Variants in NRG1 observed in about 807,000 individuals in gnomAD.
The protein encoded by NRG1 is neuregulin 1.
NRG1 carries 18 observed loss-of-function variants against 63.8 expected under a neutral mutation model. The ratio of observed to expected loss-of-function variants is 0.28; its 90% CI spans 0.19 to 0.42. The LOEUF is 0.42. Ranked by LOEUF, NRG1 falls within the 10% of genes least tolerant of loss-of-function variation. The pLI is 1.00. For missense variants in NRG1, 762 were observed against 814.7 expected (o/e 0.94, Z 0.79); for synonymous variants, 302 against 301.3 (o/e 1.00, Z -0.02).
intron 1 of NRG1, among the ~76,000 whole-genome samples, chr8:32,555,086 T>C (rs1218894121): frequency 1.3e-5 from 2 of 152,196 alleles, no homozygotes; most frequent in Non-Finnish European, 2.9e-5. Flanking sequence ...TTTTAAAACA[T>C]TATTCTGATG....
intron 5 of NRG1, among the ~76,000 whole-genome samples, chr8:32,701,026 A>T (rs1280132640): frequency 6.6e-6 from 1 of 152,096 alleles, no homozygotes; most frequent in East Asian, 1.9e-4. Context: ...TGCTTACTTA[A>T]ATTAACTTAT....
intron 1 of NRG1, among the ~76,000 whole-genome samples, chr8:32,188,022 A>G (rs1463565677): frequency 2.0e-5 from 3 of 152,130 alleles, no homozygotes; most frequent in Non-Finnish European, 4.4e-5. Context: ...GGAGCATCTT[A>G]GCTGCAAGAT....
At chr8:32,309,539 T>C (rs755343095) in intron 1 of NRG1, among the ~76,000 whole-genome samples, 1 of 152,256 alleles carries the variant, frequency 6.6e-6, no homozygotes, top group Non-Finnish European at 1.5e-5. Context: ...GTCGATTTGG[T>C]TTCTAGGTCC....
intron 1 of NRG1, among the ~76,000 whole-genome samples, chr8:31,954,540 G>T (rs375052527): frequency 3.9e-5 from 6 of 152,188 alleles, no homozygotes; most frequent in African/African-American, 1.4e-4. Context: ...CCTGCTAATT[G>T]TCTGTATAGC....
At chr8:32,398,701 C>T (rs1226065229) in intron 1 of NRG1, among the ~76,000 whole-genome samples, 1 of 152,180 alleles carries the variant, frequency 6.6e-6, no homozygotes, top group Non-Finnish European at 1.5e-5. Context: ...AGGTGTGAGA[C>T]ACTGCACCCA....
chr8:31,831,804 T>C (rs914515177), intron 1 of NRG1, among the ~76,000 whole-genome samples: 1 of 152,196 alleles, frequency 6.6e-6, no homozygotes, highest in Non-Finnish European at 1.5e-5. Context: ...ATTTTGAGAT[T>C]TGTATACAAA....
At chr8:32,078,002 AT>A (rs768934970) in intron 1 of NRG1, among the ~76,000 whole-genome samples, 158 of 152,294 alleles carry the variant, frequency 1.0e-3, no homozygotes, top group Non-Finnish European at 1.6e-3. Flanking sequence ...ATAAATTGTA[AT>A]TGGCCATATA....
intron 1 of NRG1, among the ~76,000 whole-genome samples, chr8:31,998,699 T>C (rs1812433248): frequency 6.6e-6 from 1 of 152,108 alleles, no homozygotes; most frequent in African/African-American, 2.4e-5. Flanking sequence ...CACTGACATT[T>C]GTTGAAGAAA....
chr8:31,929,515 A>C (rs933188963), intron 1 of NRG1, among the ~76,000 whole-genome samples: 2 of 151,984 alleles, frequency 1.3e-5, no homozygotes, highest in Non-Finnish European at 2.9e-5. Context: ...TACATAATAC[A>C]CACACATGTC....
At position 32,377,906 on chromosome 8, in the gene NRG1, C is replaced by T. The variant is rs372199808; in HGVS notation, c.38-217922C>T. On this transcript the variant is annotated intron_variant, in intron 1 of 10. Coordinates refer to the NRG1 transcript ENST00000519301. ...TCATGATTACACTTCCAGTACCTGG[C>T]GTAATACCTAGAACAAACTCCCAGT... is the stretch of plus-strand genomic sequence containing the variant. 1.1e-4 allele frequency among the ~76,000 whole-genome samples: 17 copies of T among 152,084 alleles called. No individual in the cohort carries two copies. The South Asian group carries it at 2.3e-3, about 20-fold the overall frequency.
At chr8:32,617,018 C>A in intron 5 of NRG1, 133 bp downstream of exon 5, 1 of 678,058 alleles carries the variant, frequency 1.5e-6, no homozygotes, top group Non-Finnish European at 2.6e-6. Flanking sequence ...GTGGTATTTG[C>A]TGTTTGGAGT....
intron 1 of NRG1, among the ~76,000 whole-genome samples, chr8:31,845,106 C>CAAATAAATAAATAAATAAATAAAT (rs3052830): frequency 1.4e-5 from 2 of 146,222 alleles, no homozygotes; most frequent in African/African-American, 2.6e-5. Context: ...GACTCCGTCT[C>CAAATAAATAAATAAATAAATAAAT]AAATAAATAA....
chr8:32,391,662 A>G (rs1811782462), intron 1 of NRG1, among the ~76,000 whole-genome samples: 1 of 151,738 alleles, frequency 6.6e-6, no homozygotes, highest in African/African-American at 2.4e-5. Flanking sequence ...ATGGCCTCTA[A>G]CTCCATCCAT....
chr8:32,053,659 T>G (rs1317995896), intron 1 of NRG1, among the ~76,000 whole-genome samples: 3 of 152,120 alleles, frequency 2.0e-5, no homozygotes, highest in Admixed American at 6.5e-5. Context: ...GGTCAAAGAT[T>G]AAAGGTGAAT....
In NRG1 at chr8:32,705,132, A is replaced by ATTTTTT. The variant is rs751755810; in HGVS notation, c.503-22804_503-22799dup. ...ATCAGCATGGGATAGGTGACAATGA[A>ATTTTTT]TTTTTTTTTTTTTTTTTTGAGACGG... On this transcript the variant is annotated intron_variant, in intron 5 of 11. Transcript: ENST00000356819. 1.7e-3 allele frequency among the ~76,000 whole-genome samples: 244 copies of ATTTTTT among 139,972 alleles called. 1 individual carries two copies. The highest frequency in any genetic ancestry group is 5.9e-3 in the African/African-American group (225 of 38,158). The allele number at this position is 139,972 out of a possible 152,430, so 91.8% of individuals were successfully genotyped here.
At chr8:31,741,565 CTTCAAACGACATTA>C (rs1243039327) in intron 1 of NRG1, among the ~76,000 whole-genome samples, 11 of 151,858 alleles carry the variant, frequency 7.2e-5, no homozygotes, top group Non-Finnish European at 1.3e-4. Context: ...CTGAAAAATA[CTTCAAACGACATTA>C]TTCAGAAAAT....
At chr8:32,444,441 A>T (rs1819984966) in intron 1 of NRG1, among the ~76,000 whole-genome samples, 1 of 152,130 alleles carries the variant, frequency 6.6e-6, no homozygotes, top group Non-Finnish European at 1.5e-5. Flanking sequence ...TGTCCAGCCC[A>T]ATACCATTTT....
intron 2 of NRG1, among the ~76,000 whole-genome samples, chr8:32,603,913 G>A (rs2129539140): frequency 6.6e-6 from 1 of 152,250 alleles, no homozygotes; most frequent in African/African-American, 2.4e-5. Flanking sequence ...GTTCTGCTGA[G>A]TACTTAAGCA....
chr8:31,961,316 T>A (rs1371112851), intron 1 of NRG1, among the ~76,000 whole-genome samples: 2 of 152,194 alleles, frequency 1.3e-5, no homozygotes, highest in African/African-American at 4.8e-5. Flanking sequence ...CAAAGAATTT[T>A]AAATACATAC....
Sources: gnomAD v4.1 joint callset for allele counts (sites outside exome capture counted in the v4.1 genomes callset) on GRCh38, gnomAD v4.1.1 for gene constraint, MANE v1.5 for transcripts, NCBI Gene and HGNC (gene_info 2026-07-23, HGNC 2026-07-21) for gene names.